Variants in TRANK1 observed in about 807,000 individuals in gnomAD.
TRANK1 encodes TPR and ankyrin repeat-containing protein 1.
A neutral mutation model predicts 266.0 loss-of-function variants in TRANK1; 198 were observed. The observed-to-expected ratio is 0.74, with a 90% CI of 0.66 to 0.84. The LOEUF (loss-of-function observed/expected upper bound fraction) is 0.84, where lower values mean the gene tolerates loss of function less well. Among genes scored for constraint, TRANK1 ranks in the 40% least tolerant of loss-of-function variants. The pLI is 0.00. For missense variants in TRANK1, 3,326 were observed against 3,634.6 expected (o/e 0.92, Z 2.18); for synonymous variants, 1,396 against 1,384.1 (o/e 1.01, Z -0.19).
rs1236639341 is a variant in TRANK1 at position 36,864,351 on chromosome 3, T to C, written c.1208A>G (p.Gln403Arg). The C allele has an allele frequency of 3.9e-6, 6 of 1,536,486 alleles. No individual in the cohort carries two copies. The African/African-American group carries it at 5.5e-5, about 14-fold the overall frequency. ...AGTAGAAAGGAGACGCAAGAACCTC[T>C]GAACTACTTCCTGCTTCAGAAAGTT... ...HKNFLKQEVV[Q>R]RFLRLLSTLQ... is the part of the protein sequence containing the mutation. The change falls in exon 10 of 24, where the codon CAG becomes CGG. Residue 403 changes from glutamine to arginine, a missense_variant. By Grantham distance (43) the Gln-to-Arg change is conservative. Transcript: ENST00000645898.
chr3:36,856,968 G>T lies in TRANK1; in HGVS notation c.2754C>A (p.Ile918=). ...SPRCSENPEK[I]IATEQNTCAM... ...CACACGTGTTCTGCTCCGTGGCAAT[G>T]ATCTTCTCAGGGTTCTCACTGCATC... is the stretch of plus-strand genomic sequence containing the variant. Residue 918 remains isoleucine, a synonymous_variant, in exon 13 of 24, where the codon ATC becomes ATA. Transcript: ENST00000645898. The T allele has an allele frequency of 6.2e-7, 1 of 1,613,862 alleles. No homozygotes were observed. Among genetic ancestry groups the T allele is most frequent in the Non-Finnish European group, 8.5e-7 (1 of 1,179,854 alleles).
chr3:36,931,963 T>A (rs1399053813), intron 1 of TRANK1, among the ~76,000 whole-genome samples: 1 of 152,176 alleles, frequency 6.6e-6, no homozygotes, highest in Admixed American at 6.5e-5. Context: ...TTATTTACCC[T>A]TATTGGGAGG....
intron 17 of TRANK1, among the ~76,000 whole-genome samples, chr3:36,845,722 T>C (rs2078905382): frequency 6.6e-6 from 1 of 152,214 alleles, no homozygotes; most frequent in Non-Finnish European, 1.5e-5. Flanking sequence ...TCTTTAATGG[T>C]TGCATAGTAG....
At chr3:36,930,773 C>CA (rs894124497) in intron 1 of TRANK1, among the ~76,000 whole-genome samples, 2 of 151,510 alleles carry the variant, frequency 1.3e-5, no homozygotes, top group Admixed American at 1.3e-4. Context: ...CAGTGATTGC[C>CA]AAAAAAAGAG....
chr3:36,849,903 G>T, intron 15 of TRANK1: 1 of 511,964 alleles, frequency 2.0e-6, no homozygotes, highest in Non-Finnish European at 2.5e-6. Context: ...TGAAGTGGAT[G>T]TTTACAAAAG....
rs142584752 is a variant in TRANK1 at position 36,846,372 on chromosome 3, G to A, written c.5067C>T (p.Thr1689=). 608 of 1,613,438 alleles carry A rather than the reference G, an allele frequency of 3.8e-4. No individual in the cohort carries two copies. In the African/African-American group the frequency reaches 7.2e-3, roughly 19 times the overall value. ...GGTTGACCCGAGCCCGTGTGATGGC[G>A]GTGTACAGCTGCTTCAGCTCTCCGT... is the stretch of plus-strand genomic sequence containing the variant. The part of the protein sequence containing the change: ...LLNGELKQLY[T]AITRARVNLW... The change falls in exon 17 of 24, where the codon ACC becomes ACT. Residue 1689 remains threonine (T), a synonymous_variant. Transcript: ENST00000645898.
intron 10 of TRANK1, among the ~76,000 whole-genome samples, chr3:36,862,485 A>AT (rs1325993590): frequency 5.9e-5 from 9 of 152,176 alleles, no homozygotes; most frequent in Non-Finnish European, 1.3e-4. Context: ...GGCATTTGCA[A>AT]TTTTTGTCCC....
intron 17 of TRANK1, 128 bp from the exon 18 acceptor site, chr3:36,842,838 C>T (rs570069532): frequency 1.3e-6 from 1 of 799,422 alleles, no homozygotes; most frequent in Admixed American, 2.1e-5. Context: ...ACTCCCGGTA[C>T]CTCAGAATGT....
At chr3:36,830,084 G>C (rs2078674070) in intron 22 of TRANK1, among the ~76,000 whole-genome samples, 1 of 152,106 alleles carries the variant, frequency 6.6e-6, no homozygotes, top group Non-Finnish European at 1.5e-5. Context: ...GGACACCAAG[G>C]CAGGCAGATT....
chr3:36,931,781 G>C (rs1454586483), intron 1 of TRANK1, among the ~76,000 whole-genome samples: 1 of 152,218 alleles, frequency 6.6e-6, no homozygotes, highest in Non-Finnish European at 1.5e-5. Context: ...AGGTGTGGTG[G>C]CTCACACTTG....
At chr3:36,919,758 T>C (rs977957505) in intron 1 of TRANK1, among the ~76,000 whole-genome samples, 4 of 152,226 alleles carry the variant, frequency 2.6e-5, no homozygotes, top group African/African-American at 9.6e-5. Flanking sequence ...ACTGCCAACA[T>C]TTGTCAATTC....
At chr3:36,908,262 A>G in intron 2 of TRANK1, 61 bp downstream of exon 2, 1 of 1,231,032 alleles carries the variant, frequency 8.1e-7, no homozygotes, top group Non-Finnish European at 1.0e-6. Context: ...AAAAGAAATC[A>G]TAAGGAACAG....
chr3:36,907,722 C>T (rs2079993452), intron 2 of TRANK1, among the ~76,000 whole-genome samples: 1 of 152,108 alleles, frequency 6.6e-6, no homozygotes, highest in Non-Finnish European at 1.5e-5. Context: ...CCTCGGCCTC[C>T]CAAAGTGCTG....
intron 13 of TRANK1, among the ~76,000 whole-genome samples, chr3:36,853,089 G>A (rs1194054875): frequency 6.6e-6 from 1 of 152,124 alleles, no homozygotes; most frequent in Non-Finnish European, 1.5e-5. Flanking sequence ...CTGAAGTGAC[G>A]TTAATAGTGA....
chr3:36,942,341 T>G (rs1559484768), intron 1 of TRANK1, among the ~76,000 whole-genome samples: 3 of 152,092 alleles, frequency 2.0e-5, no homozygotes, highest in Non-Finnish European at 4.4e-5. Context: ...TTCTGGGCCT[T>G]AATTTCTTCA....
At position 36,937,281 on chromosome 3, in the gene TRANK1, T is replaced by A. The variant is rs1163258647; in HGVS notation, c.23+7506A>T. ...GGCTATTGTTTTTCCAGATCATTATTTGGATGAATAGTTTAAGGCAGCTGC... is the reference window on the plus strand; with the variant it reads ...GGCTATTGTTTTTCCAGATCATTATATGGATGAATAGTTTAAGGCAGCTGC... On this transcript the variant is annotated intron_variant, in intron 1 of 23. Transcript: ENST00000645898. Among the ~76,000 whole-genome samples, 3 of 152,184 alleles carry A rather than the reference T, an allele frequency of 2.0e-5. No individual in the cohort carries two copies. The South Asian group carries it at 6.2e-4, about 32-fold the overall frequency.
Position 36,860,963 on chromosome 3 carries a change from G to T in TRANK1, c.1438C>A (p.Leu480Ile). The T allele has an allele frequency of 6.5e-7, 1 of 1,537,694 alleles. No individual in the cohort carries two copies. The highest frequency in any genetic ancestry group is 8.7e-7 in the Non-Finnish European group (1 of 1,147,008). The change falls in exon 11 of 24, where the codon CTC becomes ATC. Residue 480 changes from leucine (L) to isoleucine (I), a missense_variant. Leu to Ile is a conservative substitution (Grantham distance 5). Transcript: ENST00000645898. ...DLDICTIIPH[L>I]STWDQRKKQL... is the part of the protein sequence containing the mutation. Reference sequence around the variant, plus strand: ...TTCTTCCGCTGGTCCCAGGTGCTGAGATGGGGGATGATGGTACAGATGTCG... The same window carrying T: ...TTCTTCCGCTGGTCCCAGGTGCTGATATGGGGGATGATGGTACAGATGTCG...
chr3:36,850,881 C>T (rs1203675611), intron 15 of TRANK1: 9 of 985,438 alleles, frequency 9.1e-6, no homozygotes, highest in Non-Finnish European at 1.1e-5. Context: ...ATAGCCCCTT[C>T]AAGCATGCAT....
intron 23 of TRANK1, among the ~76,000 whole-genome samples, chr3:36,829,100 T>C (rs534160504): frequency 6.6e-6 from 1 of 152,330 alleles, no homozygotes; most frequent in South Asian, 2.1e-4. Context: ...GGAAGAAGCA[T>C]TTAAGTTTCC....
Sources: allele counts gnomAD v4.1 joint callset (sites outside exome capture counted in the v4.1 genomes callset), GRCh38; gene constraint gnomAD v4.1.1; transcripts MANE v1.5; gene names NCBI Gene and HGNC (gene_info 2026-07-23, HGNC 2026-07-21).